HTT: variants seen among roughly 807,000 people sequenced by gnomAD.
The protein encoded by HTT is huntington disease protein.
In HTT, 104 loss-of-function variants were observed where a neutral mutation model predicts 362.3. That is an observed-to-expected ratio of 0.29 (90% confidence interval 0.24 to 0.34). The LOEUF (loss-of-function observed/expected upper bound fraction) is 0.34. Ranked by LOEUF, HTT falls within the 10% of genes least tolerant of loss-of-function variation. HTT has a pLI of 1.00. For synonymous variants in HTT, 1,577 were observed against 1,548.7 expected, an observed-to-expected ratio of 1.02 and a Z score of -0.43; for missense variants, 3,301 against 3,928.6, an observed-to-expected ratio of 0.84 and a Z score of 4.27.
At chr4:3,137,495 T>A (rs1716123594) in intron 21 of HTT, among the ~76,000 whole-genome samples, 1 of 151,970 alleles carries the variant, frequency 6.6e-6, no homozygotes, top group African/African-American at 2.4e-5. Flanking sequence ...GGTCAGGAGT[T>A]CGAGACCAGC....
In HTT at chr4:3,204,157, G is replaced by C. The variant is rs772517664; in HGVS notation, c.5718+9G>C. 1 of 1,614,116 alleles carries C rather than the reference G, an allele frequency of 6.2e-7. No homozygotes were observed. Among genetic ancestry groups the C allele is most frequent in the Non-Finnish European group, 8.5e-7 (1 of 1,179,960 alleles). On this transcript the variant is annotated intron_variant, in intron 42 of 66. Transcript: ENST00000355072. ...TCTTCTGTGATTATGTCGTAAGTTTGAAATGCCTGTAAACGGGGTTGAGGG... is the reference window on the plus strand; with the variant it reads ...TCTTCTGTGATTATGTCGTAAGTTTCAAATGCCTGTAAACGGGGTTGAGGG...
chr4:3,196,617 A>G (rs956686142), intron 40 of HTT, among the ~76,000 whole-genome samples: 1 of 151,434 alleles, frequency 6.6e-6, no homozygotes, highest in African/African-American at 2.4e-5. Flanking sequence ...GCACACCTAT[A>G]CTCCCAGCTA....
rs1296039178 is a variant in HTT at position 3,094,560 on chromosome 4, GA to G, written c.348-4713del. ...GGCGGGGGCTGCCCCCCACCTCCCG[GA>G]CGGGGCGGGTGGCCGGGCGGGGGCT... On this transcript the variant is annotated intron_variant, in intron 2 of 66. Coordinates refer to ENST00000355072, the MANE Select transcript of HTT (RefSeq NM_001388492.1). Among the ~76,000 whole-genome samples the G allele has an allele frequency of 2.1e-3, 302 of 145,668 alleles. 1 individual carries two copies. The highest frequency in any genetic ancestry group is 7.6e-3 in the Middle Eastern group (2 of 262).
At chr4:3,132,988 A>G (rs1445522014) in intron 18 of HTT, 77 bp downstream of exon 18, 1 of 1,076,184 alleles carries the variant, frequency 9.3e-7, no homozygotes, top group East Asian at 2.4e-5. Flanking sequence ...ATTGGAGCTT[A>G]ATAGGAAATA....
chr4:3,155,864 CTCT>C (rs972579254), intron 27 of HTT, among the ~76,000 whole-genome samples: 5 of 149,128 alleles, frequency 3.4e-5, no homozygotes, highest in African/African-American at 1.2e-4. Flanking sequence ...TGCCACTGCA[CTCT>C]AGCCTGGGCG....
intron 2 of HTT, among the ~76,000 whole-genome samples, chr4:3,091,116 A>G (rs771108838): frequency 3.9e-5 from 6 of 152,226 alleles, no homozygotes; most frequent in Admixed American, 6.5e-5. Context: ...CTGTCTCAAG[A>G]AAAAAGAGAA....
intron 60 of HTT, among the ~76,000 whole-genome samples, chr4:3,231,864 TA>T (rs1225671257): frequency 1.3e-5 from 2 of 152,184 alleles, no homozygotes; most frequent in African/African-American, 2.4e-5. Flanking sequence ...GTGCCATCAG[TA>T]ATCAAATGAG....
At chr4:3,172,767 A>T (rs1456877801) in intron 30 of HTT, 141 bp from the exon 31 acceptor site, 12 of 595,772 alleles carry the variant, frequency 2.0e-5, no homozygotes, top group Non-Finnish European at 3.4e-5. Flanking sequence ...AGGTATTAAT[A>T]GTGATTCACA....
intron 3 of HTT, among the ~76,000 whole-genome samples, chr4:3,102,057 A>G (rs1714185930): frequency 6.6e-6 from 1 of 152,192 alleles, no homozygotes; most frequent in African/African-American, 2.4e-5. Flanking sequence ...GGGGCTCTTG[A>G]AGACTTTGGA....
chr4:3,136,190 A>G, intron 20 of HTT, 36 bp from the exon 21 acceptor site: 1 of 1,409,130 alleles, frequency 7.1e-7, no homozygotes, highest in Non-Finnish European at 1.0e-6. Context: ...GTCAAATACA[A>G]GATTATGTTT....
intron 23 of HTT, among the ~76,000 whole-genome samples, chr4:3,143,496 G>A (rs1716451210): frequency 6.6e-6 from 1 of 151,138 alleles, no homozygotes; most frequent in African/African-American, 2.4e-5. Context: ...CATTGGTAAT[G>A]TATCAGAAGT....
intron 12 of HTT, chr4:3,129,313 A>T (rs1715681662): frequency 6.6e-6 from 1 of 152,310 alleles, no homozygotes; most frequent in South Asian, 2.1e-4. Flanking sequence ...AATTTAAAAC[A>T]TTCATATCAT....
chr4:3,144,595 C>G (rs1716511328), intron 23 of HTT, among the ~76,000 whole-genome samples: 1 of 152,186 alleles, frequency 6.6e-6, no homozygotes, highest in Non-Finnish European at 1.5e-5. Context: ...GGATTACAGG[C>G]GTGAGCTACT....
chr4:3,158,825 A>G (rs1717298324), intron 28 of HTT, among the ~76,000 whole-genome samples: 1 of 152,116 alleles, frequency 6.6e-6, no homozygotes, highest in African/African-American at 2.4e-5. Flanking sequence ...GCCGTAGAGA[A>G]GATACTTCTT....
At chr4:3,119,245 T>TGC (rs1715178022) in intron 8 of HTT, among the ~76,000 whole-genome samples, 1 of 152,156 alleles carries the variant, frequency 6.6e-6, no homozygotes, top group Non-Finnish European at 1.5e-5. Context: ...CATATGCATA[T>TGC]ATTATCAACA....
intron 35 of HTT, among the ~76,000 whole-genome samples, chr4:3,180,249 T>G (rs1205418351): frequency 6.6e-6 from 1 of 152,226 alleles, no homozygotes; most frequent in Non-Finnish European, 1.5e-5. Flanking sequence ...TTGAGTCACC[T>G]TTTTTCAGAA....
At chr4:3,162,817 G>T (rs1197349139) in intron 29 of HTT, among the ~76,000 whole-genome samples, 1 of 152,216 alleles carries the variant, frequency 6.6e-6, no homozygotes, top group Non-Finnish European at 1.5e-5. Context: ...AGCTTAAGGA[G>T]ATTTTGAGCT....
intron 27 of HTT, 48 bp downstream of exon 27, chr4:3,154,467 A>G: frequency 6.3e-7 from 1 of 1,592,114 alleles, no homozygotes. Flanking sequence ...AGCATCTGTC[A>G]TGTAGAAACA....
chr4:3,118,567 C>T (rs1182297567), intron 8 of HTT, among the ~76,000 whole-genome samples: 3 of 152,094 alleles, frequency 2.0e-5, no homozygotes, highest in East Asian at 1.9e-4. Flanking sequence ...AGTGTGGGTG[C>T]GTAGACAGAG....
Sources: allele counts gnomAD v4.1 joint callset (sites outside exome capture counted in the v4.1 genomes callset), GRCh38; gene constraint gnomAD v4.1.1; transcripts MANE v1.5; gene names NCBI Gene and HGNC (gene_info 2026-07-23, HGNC 2026-07-21).